Variants in ME1 observed in about 807,000 individuals in gnomAD.
ME1 encodes malic enzyme 1.
ME1 carries 74 observed loss-of-function variants against 66.4 expected under a neutral mutation model. That is an observed-to-expected ratio of 1.11 (90% CI 0.92 to 1.35). ME1 has a LOEUF of 1.35. Among genes scored for constraint, ME1 ranks in the 40% most tolerant of loss-of-function variants. The pLI is 0.00. For missense variants in ME1, 750 were observed against 694.1 expected, an observed-to-expected ratio of 1.08 and a Z score of -0.90; for synonymous variants, 251 against 235.6, an observed-to-expected ratio of 1.07 and a Z score of -0.60.
Position 83,398,501 on chromosome 6 carries a change from C to G in ME1, c.228G>C (p.Met76Ile). 1 of 1,550,386 alleles carries G rather than the reference C, an allele frequency of 6.5e-7. No homozygotes were observed. Among genetic ancestry groups the G allele is most frequent in the South Asian group, 1.2e-5 (1 of 83,062 alleles). ...NSDFDRYLLL[M>I]DLQDRNEKLF... ...GTTTTTCATTTCTATCTTGGAGATC[C>G]ATTAAGAGAAGATACCTGTAAAAAT... The change falls in exon 3 of 14, where the codon ATG (methionine) becomes ATC (isoleucine). Residue 76 changes from methionine (M) to isoleucine (I), a missense_variant. Physicochemically the swap from Met to Ile is conservative, Grantham distance 10. Coordinates refer to ENST00000369705, the MANE Select transcript of ME1 (RefSeq NM_002395.6).
At chr6:83,225,193 G>A (rs963099780) in intron 11 of ME1, among the ~76,000 whole-genome samples, 27 of 124,392 alleles carry the variant, frequency 2.2e-4, no homozygotes, top group Non-Finnish European at 3.8e-4. Flanking sequence ...GTGACAGAGC[G>A]AGACTCCATC....
In ME1 at chr6:83,279,077, C is replaced by G. The variant is rs35587814; in HGVS notation, c.705-25339G>C. ...TTACAGCTAAAACAAATTCTAGCCT[C>G]AAAGTCTATTTAAGGAGACGCTGGA... is the stretch of plus-strand genomic sequence containing the variant. On this transcript the variant is annotated intron_variant, in intron 6 of 13. Coordinates refer to ENST00000369705, the MANE Select transcript of ME1 (RefSeq NM_002395.6). Among the ~76,000 whole-genome samples the G allele has an allele frequency of 4.9e-3, 743 of 152,286 alleles. 4 individuals carry two copies. The highest frequency in any genetic ancestry group is 7.4e-3 in the Non-Finnish European group (500 of 68,024).
intron 6 of ME1, among the ~76,000 whole-genome samples, chr6:83,308,219 C>T (rs1767860942): frequency 1.3e-5 from 2 of 152,082 alleles, no homozygotes; most frequent in African/African-American, 2.4e-5. Flanking sequence ...GTGGCCATTC[C>T]TAGTGCTTCC....
At chr6:83,427,886 C>T (rs1441374403) in intron 1 of ME1, among the ~76,000 whole-genome samples, 2 of 151,904 alleles carry the variant, frequency 1.3e-5, no homozygotes, top group African/African-American at 4.8e-5. Flanking sequence ...GTGGCACATG[C>T]CTGTAATCTC....
chr6:83,236,960 G>A (rs1790411124), intron 9 of ME1, among the ~76,000 whole-genome samples: 1 of 151,866 alleles, frequency 6.6e-6, no homozygotes, highest in Non-Finnish European at 1.5e-5. Flanking sequence ...AGCACTTTGG[G>A]AGGCTGAGGC....
intron 6 of ME1, among the ~76,000 whole-genome samples, chr6:83,300,267 C>A (rs959675020): frequency 6.6e-6 from 1 of 151,990 alleles, no homozygotes; most frequent in African/African-American, 2.4e-5. Context: ...ATATAAAACC[C>A]AAAACCATAA....
intron 6 of ME1, among the ~76,000 whole-genome samples, chr6:83,299,864 G>C (rs1032891434): frequency 3.3e-5 from 5 of 151,954 alleles, no homozygotes; most frequent in Non-Finnish European, 7.4e-5. Flanking sequence ...ATAATCACAC[G>C]GTTTTTGTCT....
chr6:83,294,721 A>G (rs1446167741), intron 6 of ME1, among the ~76,000 whole-genome samples: 1 of 151,958 alleles, frequency 6.6e-6, no homozygotes, highest in Non-Finnish European at 1.5e-5. Flanking sequence ...AGCTGCAGTT[A>G]CCCCAAGGAG....
intron 9 of ME1, among the ~76,000 whole-genome samples, chr6:83,237,107 G>A (rs1206513658): frequency 6.6e-6 from 1 of 150,858 alleles, no homozygotes; most frequent in African/African-American, 2.4e-5. Flanking sequence ...GTGGGATAGG[G>A]ATCACTTGAA....
intron 3 of ME1, among the ~76,000 whole-genome samples, chr6:83,370,631 T>C (rs1390624783): frequency 6.6e-6 from 1 of 152,164 alleles, no homozygotes; most frequent in Non-Finnish European, 1.5e-5. Flanking sequence ...GTCTCACATT[T>C]AGACTGGTAT....
chr6:83,219,732 C>T (rs1790051097), intron 12 of ME1, among the ~76,000 whole-genome samples: 1 of 143,904 alleles, frequency 6.9e-6, no homozygotes, highest in Admixed American at 7.2e-5. Context: ...TGCCATCATG[C>T]CCAACTAATT....
intron 9 of ME1, among the ~76,000 whole-genome samples, chr6:83,232,933 A>G (rs550136553): frequency 1.1e-4 from 17 of 152,324 alleles, no homozygotes; most frequent in East Asian, 9.6e-4. Flanking sequence ...AACAAAATAA[A>G]ATAAAAATAA....
At chr6:83,239,702 T>C in intron 7 of ME1, 66 bp from the exon 8 acceptor site, 1 of 1,117,506 alleles carries the variant, frequency 8.9e-7, no homozygotes, top group Non-Finnish European at 1.4e-6. Context: ...CAAGCTTTTA[T>C]TCACAACTTG....
intron 6 of ME1, among the ~76,000 whole-genome samples, chr6:83,290,947 T>C (rs545500677): frequency 1.3e-5 from 2 of 151,908 alleles, no homozygotes; most frequent in South Asian, 4.2e-4. Flanking sequence ...AACCCCTGCT[T>C]TTTTTTTGCT....
chr6:83,374,360 G>A (rs1036254856), intron 3 of ME1, among the ~76,000 whole-genome samples: 1 of 152,140 alleles, frequency 6.6e-6, no homozygotes, highest in Non-Finnish European at 1.5e-5. Flanking sequence ...CAGTGATGTT[G>A]AGCTTTTTTC....
At chr6:83,353,520 T>C (rs1369128569) in intron 3 of ME1, among the ~76,000 whole-genome samples, 1 of 152,128 alleles carries the variant, frequency 6.6e-6, no homozygotes, top group Non-Finnish European at 1.5e-5. Context: ...GTTAACTACA[T>C]TTCTTCAGAG....
intron 3 of ME1, 41 bp downstream of exon 3, chr6:83,398,326 A>T: frequency 7.1e-7 from 1 of 1,410,510 alleles, no homozygotes; most frequent in Non-Finnish European, 9.6e-7. Flanking sequence ...TACAAAAATA[A>T]ATAAAGACAC....
intron 3 of ME1, among the ~76,000 whole-genome samples, chr6:83,374,143 T>A (rs537989669): frequency 1.3e-5 from 2 of 152,316 alleles, no homozygotes; most frequent in South Asian, 4.1e-4. Flanking sequence ...GGTCAAATGG[T>A]ATTTCTGGTT....
intron 5 of ME1, among the ~76,000 whole-genome samples, chr6:83,333,386 C>T (rs1768453708): frequency 6.6e-6 from 1 of 152,250 alleles, no homozygotes; most frequent in South Asian, 2.1e-4. Flanking sequence ...AACTCATAGA[C>T]TCAGTCATAA....
Sources: gnomAD v4.1 joint callset for allele counts (sites outside exome capture counted in the v4.1 genomes callset) on GRCh38, gnomAD v4.1.1 for gene constraint, MANE v1.5 for transcripts, NCBI Gene and HGNC (gene_info 2026-07-23, HGNC 2026-07-21) for gene names.